Variants in ROBO1 observed in about 807,000 individuals in gnomAD.
ROBO1 encodes roundabout homolog 1.
In ROBO1, 149 loss-of-function variants were observed where a neutral mutation model predicts 195.9. The ratio of observed to expected loss-of-function variants is 0.76; its 90% CI spans 0.67 to 0.87. The LOEUF (loss-of-function observed/expected upper bound fraction) is 0.87. Ranked by LOEUF, ROBO1 falls within the 40% of genes least tolerant of loss-of-function variation. The pLI is 0.00. For synonymous variants in ROBO1, 816 were observed against 733.2 expected, an observed-to-expected ratio of 1.11 and a Z score of -1.82; for missense variants, 1,933 against 2,068.3, an observed-to-expected ratio of 0.93 and a Z score of 1.27.
chr3:79,226,402 C>T (rs2082227219), intron 2 of ROBO1, among the ~76,000 whole-genome samples: 1 of 152,144 alleles, frequency 6.6e-6, no homozygotes, highest in Non-Finnish European at 1.5e-5. Flanking sequence ...CTTAACGGCA[C>T]ACCAAGTCTT....
At chr3:78,765,033 CT>C (rs34606610) in intron 4 of ROBO1, among the ~76,000 whole-genome samples, 2 of 151,708 alleles carry the variant, frequency 1.3e-5, no homozygotes, top group African/African-American at 4.8e-5. Context: ...ACATTTTAGA[CT>C]TTTTTTTCAA....
At chr3:78,754,047 A>G (rs544740932) in intron 4 of ROBO1, among the ~76,000 whole-genome samples, 1 of 152,338 alleles carries the variant, frequency 6.6e-6, no homozygotes. Flanking sequence ...TTCTTTCACT[A>G]TTCTGTGATT....
intron 2 of ROBO1, among the ~76,000 whole-genome samples, chr3:79,342,491 C>T (rs1217635827): frequency 3.3e-5 from 5 of 152,124 alleles, no homozygotes; most frequent in African/African-American, 1.2e-4. Flanking sequence ...GTTAAAAATT[C>T]ACATTTCTGT....
chr3:78,951,072 C>A (rs9831402), intron 3 of ROBO1, among the ~76,000 whole-genome samples: 4,391 of 151,344 alleles, frequency 0.029, 207 homozygotes, highest in African/African-American at 0.1. Context: ...CATATATAAC[C>A]TATATCATAG....
At chr3:79,162,440 T>G (rs2080985906) in intron 2 of ROBO1, among the ~76,000 whole-genome samples, 1 of 152,140 alleles carries the variant, frequency 6.6e-6, no homozygotes, top group Admixed American at 6.5e-5. Context: ...CCTTTATCAT[T>G]ATATGTTCAT....
intron 2 of ROBO1, among the ~76,000 whole-genome samples, chr3:79,411,136 G>A (rs2037747519): frequency 6.6e-6 from 1 of 152,088 alleles, no homozygotes; most frequent in African/African-American, 2.4e-5. Context: ...TACTTTTAAA[G>A]TTCTAAGCTT....
At chr3:79,028,172 C>A (rs953244127) in intron 3 of ROBO1, among the ~76,000 whole-genome samples, 2 of 151,844 alleles carry the variant, frequency 1.3e-5, no homozygotes, top group African/African-American at 4.8e-5. Flanking sequence ...TAACATATTT[C>A]TAGAGCATTT....
At chr3:78,794,786 T>C (rs981909212) in intron 4 of ROBO1, among the ~76,000 whole-genome samples, 1 of 152,114 alleles carries the variant, frequency 6.6e-6, no homozygotes, top group African/African-American at 2.4e-5. Context: ...TTTGCCATAT[T>C]GCCCAGGCTG....
intron 2 of ROBO1, among the ~76,000 whole-genome samples, chr3:79,547,183 T>A (rs1396553306): frequency 1.3e-4 from 1 of 7,630 alleles, no homozygotes; most frequent in South Asian, 3.3e-3. Flanking sequence ...AGACTCCGCC[T>A]CAAAAAAAAA....
At chr3:79,032,902 G>T (rs745689817) in intron 3 of ROBO1, among the ~76,000 whole-genome samples, 1 of 151,896 alleles carries the variant, frequency 6.6e-6, no homozygotes, top group Non-Finnish European at 1.5e-5. Context: ...ATGCTCTATT[G>T]CCCTCTGCTG....
At chr3:79,724,623 A>G (rs1702838637) in intron 1 of ROBO1, among the ~76,000 whole-genome samples, 2 of 152,188 alleles carry the variant, frequency 1.3e-5, no homozygotes, top group South Asian at 4.1e-4. Context: ...CTGGCAAGAA[A>G]CTGAGTCCCT....
chr3:79,670,235 G>T (rs772171656), intron 1 of ROBO1, among the ~76,000 whole-genome samples: 4 of 151,760 alleles, frequency 2.6e-5, no homozygotes, highest in Non-Finnish European at 5.9e-5. Context: ...CTAAGTCATG[G>T]TTCATGTTCA....
At chr3:79,496,757 A>C (rs376050408) in intron 2 of ROBO1, among the ~76,000 whole-genome samples, 1 of 152,192 alleles carries the variant, frequency 6.6e-6, no homozygotes, top group Non-Finnish European at 1.5e-5. Flanking sequence ...AAAATTATGG[A>C]GAAAATGTTA....
chr3:79,715,358 T>C lies in ROBO1; in HGVS notation c.-51+52394A>G, dbSNP rs74737008. Among the ~76,000 whole-genome samples, 427 of 152,136 alleles carry C rather than the reference T, an allele frequency of 2.8e-3. 11 individuals carry two copies. In the East Asian group the frequency reaches 0.06, roughly 21 times the overall value. ...CAGCAAACCTCATTGTTTTAAGAAATTGCCACAGTTACCCCAACCTTCGGC... is the reference window on the plus strand; with the variant it reads ...CAGCAAACCTCATTGTTTTAAGAAACTGCCACAGTTACCCCAACCTTCGGC... On this transcript the variant is annotated intron_variant, in intron 1 of 30. Coordinates refer to ENST00000464233, the MANE Select transcript of ROBO1 (RefSeq NM_002941.4).
chr3:79,710,762 G>A (rs1183671363), intron 1 of ROBO1, among the ~76,000 whole-genome samples: 3 of 152,134 alleles, frequency 2.0e-5, no homozygotes, highest in African/African-American at 4.8e-5. Flanking sequence ...TTTGGTTGGC[G>A]TGTTCTAAGT....
intron 4 of ROBO1, among the ~76,000 whole-genome samples, chr3:78,781,917 G>A (rs994658657): frequency 6.6e-6 from 1 of 152,078 alleles, no homozygotes; most frequent in Non-Finnish European, 1.5e-5. Context: ...GTACAAAAGT[G>A]TACATGCAAA....
chr3:79,285,487 A>G (rs903564722), intron 2 of ROBO1, among the ~76,000 whole-genome samples: 3 of 152,210 alleles, frequency 2.0e-5, no homozygotes, highest in Admixed American at 6.5e-5. Flanking sequence ...ACAATTAGCA[A>G]TGCAAAGAAT....
At chr3:78,864,373 T>C (rs943474170) in intron 4 of ROBO1, among the ~76,000 whole-genome samples, 1 of 152,154 alleles carries the variant, frequency 6.6e-6, no homozygotes, top group Non-Finnish European at 1.5e-5. Flanking sequence ...TGATATAGCA[T>C]ATCCCCAAGG....
intron 2 of ROBO1, among the ~76,000 whole-genome samples, chr3:79,557,402 GA>G (rs1942740675): frequency 6.6e-6 from 1 of 151,856 alleles, no homozygotes; most frequent in South Asian, 2.1e-4. Context: ...TTTCAGATAT[GA>G]ATTTGTGACT....
Sources: gnomAD v4.1 joint callset for allele counts (sites outside exome capture counted in the v4.1 genomes callset) on GRCh38, gnomAD v4.1.1 for gene constraint, MANE v1.5 for transcripts, NCBI Gene and HGNC (gene_info 2026-07-23, HGNC 2026-07-21) for gene names.